The following MTUS2 variants were observed in gnomAD, a reference collection of about 807,000 sequenced individuals.
MTUS2 encodes microtubule associated scaffold protein 2, also known as microtubule-associated tumor suppressor candidate 2.
In MTUS2, 40 loss-of-function variants were observed where a neutral mutation model predicts 114.1. The ratio of observed to expected loss-of-function variants is 0.35; its 90% CI spans 0.27 to 0.46. The LOEUF (loss-of-function observed/expected upper bound fraction) is 0.46, where lower values mean the gene tolerates loss of function less well. Ranked by LOEUF, MTUS2 falls within the 20% of genes least tolerant of loss-of-function variation. The pLI, the probability that MTUS2 is intolerant of heterozygous loss-of-function variation, is 1.00. For synonymous variants in MTUS2, 688 were observed against 672.0 expected, an observed-to-expected ratio of 1.02 and a Z score of -0.37; for missense variants, 1,679 against 1,705.4, an observed-to-expected ratio of 0.98 and a Z score of 0.27.
At chr13:29,043,371 G>A (rs1320315700) in intron 4 of MTUS2, among the ~76,000 whole-genome samples, 2 of 152,076 alleles carry the variant, frequency 1.3e-5, no homozygotes, top group Non-Finnish European at 2.9e-5. Context: ...CTATTTTGAA[G>A]AATGTTCCAT....
chr13:29,043,191 G>T (rs1250949638), intron 4 of MTUS2, among the ~76,000 whole-genome samples: 1 of 152,036 alleles, frequency 6.6e-6, no homozygotes, highest in Non-Finnish European at 1.5e-5. Flanking sequence ...CATTATTGAT[G>T]CAACAATCTT....
At chr13:29,072,681 A>G (rs1402461499) in intron 4 of MTUS2, among the ~76,000 whole-genome samples, 1 of 152,156 alleles carries the variant, frequency 6.6e-6, no homozygotes, top group African/African-American at 2.4e-5. Flanking sequence ...GTTTCTTTTA[A>G]TTTGCTTTTG....
intron 1 of MTUS2, among the ~76,000 whole-genome samples, chr13:28,830,514 A>AC (rs1006075694): frequency 3.2e-4 from 49 of 151,520 alleles, no homozygotes; most frequent in African/African-American, 1.2e-3. Flanking sequence ...GAAATGAAAA[A>AC]ATTTACTAGA....
chr13:29,270,431 C>A (rs565599124), intron 5 of MTUS2, among the ~76,000 whole-genome samples: 17 of 152,248 alleles, frequency 1.1e-4, no homozygotes, highest in Middle Eastern at 3.4e-3. Flanking sequence ...CTTCTCAGAG[C>A]CAAGCGAGTC....
At chr13:29,339,213 C>G (rs76933452) in intron 7 of MTUS2, among the ~76,000 whole-genome samples, 74 of 152,258 alleles carry the variant, frequency 4.9e-4, no homozygotes, top group African/African-American at 1.5e-3. Flanking sequence ...CTGTGGCCGG[C>G]GTACTTCCTG....
chr13:29,013,164 T>G (rs1885925125), intron 2 of MTUS2, among the ~76,000 whole-genome samples: 1 of 152,242 alleles, frequency 6.6e-6, no homozygotes, highest in Non-Finnish European at 1.5e-5. Context: ...TTCTCTTCGT[T>G]TGGAGTCCGT....
At position 28,963,533 on chromosome 13, in the gene MTUS2, G is replaced by A. The variant is rs775904367; in HGVS notation, c.-242-60924G>A. 4.3e-4 allele frequency among the ~76,000 whole-genome samples: 65 copies of A among 152,148 alleles called. 3 individuals carry two copies. The highest frequency in any genetic ancestry group is 8.8e-5 in the Non-Finnish European group (6 of 68,042). On this transcript the variant is annotated intron_variant, in intron 2 of 15. Coordinates refer to ENST00000612955, the MANE Select transcript of MTUS2 (RefSeq NM_001033602.4). ...AACGTGTGTGTATATGCACATGCAT[G>A]CCTATATATAGTGTATCTCTGTGTA...
At chr13:28,986,528 G>GACAAA (rs1232145096) in intron 2 of MTUS2, among the ~76,000 whole-genome samples, 3 of 152,162 alleles carry the variant, frequency 2.0e-5, no homozygotes, top group Non-Finnish European at 2.9e-5. Context: ...AAAGAACTAA[G>GACAAA]ACAAAACAAC....
At chr13:29,154,437 AT>A (rs1892778508) in intron 5 of MTUS2, among the ~76,000 whole-genome samples, 1 of 152,232 alleles carries the variant, frequency 6.6e-6, no homozygotes. Context: ...CATCTCATAC[AT>A]TATTAAACAT....
At chr13:29,379,163 C>A (rs533544718) in intron 8 of MTUS2, among the ~76,000 whole-genome samples, 2 of 152,270 alleles carry the variant, frequency 1.3e-5, no homozygotes, top group African/African-American at 4.8e-5. Flanking sequence ...TATAAATTAC[C>A]CAGTCTCAGG....
At chr13:28,975,865 G>T (rs1027111898) in intron 2 of MTUS2, among the ~76,000 whole-genome samples, 7 of 152,128 alleles carry the variant, frequency 4.6e-5, no homozygotes, top group Non-Finnish European at 1.0e-4. Flanking sequence ...CCGTTATAAA[G>T]ATGAGCAATG....
chr13:29,259,068 TACAA>T (rs1004852959), intron 5 of MTUS2, among the ~76,000 whole-genome samples: 1 of 152,378 alleles, frequency 6.6e-6, no homozygotes, highest in African/African-American at 2.4e-5. Flanking sequence ...ATTTTCCACT[TACAA>T]ACATTCTTCA....
intron 5 of MTUS2, among the ~76,000 whole-genome samples, chr13:29,163,277 C>T (rs754112959): frequency 1.1e-4 from 16 of 152,194 alleles, no homozygotes; most frequent in Non-Finnish European, 2.1e-4. Context: ...TCATCAGGAA[C>T]AGCCAGTGGG....
chr13:28,988,639 A>C (rs1210091006), intron 2 of MTUS2, among the ~76,000 whole-genome samples: 10 of 152,222 alleles, frequency 6.6e-5, no homozygotes. Context: ...CAAAGTGTTC[A>C]CTGAGTATAG....
chr13:29,438,316 A>C (rs1877566042), intron 8 of MTUS2, among the ~76,000 whole-genome samples: 1 of 152,172 alleles, frequency 6.6e-6, no homozygotes, highest in Non-Finnish European at 1.5e-5. Flanking sequence ...CAGAAATGAG[A>C]TGGGAGGTGT....
intron 2 of MTUS2, among the ~76,000 whole-genome samples, chr13:28,978,903 G>T (rs1304445818): frequency 6.6e-6 from 1 of 152,286 alleles, no homozygotes; most frequent in Non-Finnish European, 1.5e-5. Context: ...AGCCAGTGAG[G>T]CTCTTTCCTG....
Position 29,262,989 on chromosome 13 carries a change from C to T in MTUS2, c.2645-18715C>T, listed in dbSNP as rs530685057. Among the ~76,000 whole-genome samples the T allele has an allele frequency of 5.9e-5, 9 of 152,240 alleles. No individual in the cohort carries two copies. The South Asian group carries it at 1.2e-3, about 21-fold the overall frequency. On this transcript the variant is annotated intron_variant, in intron 5 of 15. Transcript: ENST00000612955. ...GTAAAGTGCTTTATATGCACTTTCT[C>T]ATTTAATTCTCAGATAAGTCTAATG...
At chr13:29,202,553 CGAG>C (rs1373477582) in intron 5 of MTUS2, among the ~76,000 whole-genome samples, 1 of 152,052 alleles carries the variant, frequency 6.6e-6, no homozygotes, top group Non-Finnish European at 1.5e-5. Context: ...CCCTTGCTGG[CGAG>C]GAGTTGTGAT....
chr13:29,180,955 G>A (rs963938222), intron 5 of MTUS2, among the ~76,000 whole-genome samples: 1 of 152,042 alleles, frequency 6.6e-6, no homozygotes, highest in African/African-American at 2.4e-5. Flanking sequence ...ATGTCCATTT[G>A]ATTTTAAGTT....
Sources: gnomAD v4.1 joint callset for allele counts (sites outside exome capture counted in the v4.1 genomes callset) on GRCh38, gnomAD v4.1.1 for gene constraint, MANE v1.5 for transcripts, NCBI Gene and HGNC (gene_info 2026-07-23, HGNC 2026-07-21) for gene names.